The following ZFYVE1 variants were observed in gnomAD, a reference collection of about 807,000 sequenced individuals.
ZFYVE1 encodes zinc finger FYVE domain-containing protein 1.
In ZFYVE1, 30 loss-of-function variants were observed where a neutral mutation model predicts 74.4. The ratio of observed to expected loss-of-function variants is 0.40; its 90% CI spans 0.30 to 0.55. The LOEUF (loss-of-function observed/expected upper bound fraction) is 0.55. Among genes scored for constraint, ZFYVE1 ranks in the 20% least tolerant of loss-of-function variants. The pLI is 0.42. For synonymous variants in ZFYVE1, 335 were observed against 385.1 expected (o/e 0.87, Z 1.52); for missense variants, 703 against 1,011.6 (o/e 0.69, Z 4.14).
chr14:73,013,491 C>T (rs551346316), intron 2 of ZFYVE1, among the ~76,000 whole-genome samples: 1 of 151,982 alleles, frequency 6.6e-6, no homozygotes, highest in South Asian at 2.1e-4. Flanking sequence ...GCCTGTAATC[C>T]CAGCTACTTC....
chr14:72,999,916 CAG>C (rs1320332254), intron 2 of ZFYVE1, among the ~76,000 whole-genome samples: 2 of 151,862 alleles, frequency 1.3e-5, no homozygotes, highest in Admixed American at 6.6e-5. Flanking sequence ...CAAAAATTAG[CAG>C]AGTGTGGTGG....
intron 2 of ZFYVE1, among the ~76,000 whole-genome samples, chr14:73,005,999 G>A (rs537067226): frequency 6.6e-6 from 1 of 151,742 alleles, no homozygotes; most frequent in Admixed American, 6.6e-5. Flanking sequence ...TCAGCTCACT[G>A]CAAGTTCCGC....
intron 2 of ZFYVE1, among the ~76,000 whole-genome samples, chr14:73,017,415 A>G (rs1894223664): frequency 6.6e-6 from 1 of 152,200 alleles, no homozygotes; most frequent in Non-Finnish European, 1.5e-5. Flanking sequence ...GTCTCCAATC[A>G]TTGCCAATGT....
intron 2 of ZFYVE1, among the ~76,000 whole-genome samples, chr14:73,014,658 A>G (rs940450188): frequency 4.6e-5 from 7 of 152,176 alleles, no homozygotes; most frequent in African/African-American, 1.4e-4. Context: ...ACATTATAAT[A>G]CTCTGGCCAT....
chr14:73,009,192 CT>C (rs1894039105), intron 2 of ZFYVE1, among the ~76,000 whole-genome samples: 1 of 152,228 alleles, frequency 6.6e-6, no homozygotes, highest in Non-Finnish European at 1.5e-5. Flanking sequence ...TTCAACCAAC[CT>C]CACTCTATCA....
chr14:73,013,009 G>A (rs1157256482), intron 2 of ZFYVE1, among the ~76,000 whole-genome samples: 1 of 152,066 alleles, frequency 6.6e-6, no homozygotes, highest in African/African-American at 2.4e-5. Context: ...TTGAACCTGA[G>A]GGTCTGTAAC....
intron 2 of ZFYVE1, among the ~76,000 whole-genome samples, chr14:73,011,559 G>A (rs1346980989): frequency 6.6e-6 from 1 of 150,808 alleles, no homozygotes; most frequent in African/African-American, 2.4e-5. Flanking sequence ...TTGCTCTGTC[G>A]CCCAGGCTGC....
chr14:73,015,946 A>AT (rs951428640), intron 2 of ZFYVE1, among the ~76,000 whole-genome samples: 23 of 151,850 alleles, frequency 1.5e-4, no homozygotes, highest in African/African-American at 5.6e-4. Context: ...AAATAAATAA[A>AT]AAATAAAAAC....
chr14:73,002,045 G>A (rs761196939), intron 2 of ZFYVE1, among the ~76,000 whole-genome samples: 8 of 152,136 alleles, frequency 5.3e-5, no homozygotes, highest in East Asian at 1.9e-4. Context: ...TGAAATGAAC[G>A]TAGCTGGCTA....
intron 4 of ZFYVE1, among the ~76,000 whole-genome samples, chr14:72,992,619 C>CCA (rs1893642358): frequency 5.4e-5 from 6 of 110,188 alleles, no homozygotes; most frequent in Non-Finnish European, 1.2e-4. Flanking sequence ...TCAGGTGCCC[C>CCA]CCCCGCCCCT....
intron 2 of ZFYVE1, among the ~76,000 whole-genome samples, chr14:73,021,781 C>G (rs1268185120): frequency 6.6e-6 from 1 of 151,156 alleles, no homozygotes; most frequent in African/African-American, 2.4e-5. Context: ...ATATTACATT[C>G]AAGAAAAAAA....
chr14:72,991,652 G>A lies in ZFYVE1; in HGVS notation c.1203+1491C>T, dbSNP rs150804877. The stretch of plus-strand genomic sequence containing the variant: ...TTCAGAATGTTTGCATTAGGTAAGC[G>A]TCATCTTCCGTTTTCACTGCCTTTG... On this transcript the variant is annotated intron_variant, in intron 4 of 11. Coordinates refer to ENST00000556143, the MANE Select transcript of ZFYVE1 (RefSeq NM_021260.4). 2.8e-3 allele frequency among the ~76,000 whole-genome samples: 427 copies of A among 152,158 alleles called. 3 individuals are homozygous for A. The highest frequency in any genetic ancestry group is 9.4e-3 in the African/African-American group (390 of 41,472).
At chr14:72,982,232 G>A (rs995127749) in intron 4 of ZFYVE1, among the ~76,000 whole-genome samples, 15 of 152,244 alleles carry the variant, frequency 9.9e-5, no homozygotes, top group Non-Finnish European at 1.3e-4. Context: ...CTGGAACCAA[G>A]AAACCAAGAC....
At chr14:72,997,775 A>G (rs764626733) in intron 3 of ZFYVE1, 36 bp downstream of exon 3, 40 of 1,541,638 alleles carry the variant, frequency 2.6e-5, no homozygotes, top group Middle Eastern at 3.5e-4. Flanking sequence ...TTGTACCCAT[A>G]AAGGTTGAGC....
rs904732267 is a variant in ZFYVE1 at position 72,970,707 on chromosome 14, T to C, written c.*175A>G. 3 of 675,112 alleles carry C rather than the reference T, an allele frequency of 4.4e-6. No homozygotes were observed. The highest frequency in any genetic ancestry group is 1.8e-5 in the African/African-American group (1 of 55,032). The allele number at this position is 675,112 out of a possible 1,614,324, so 41.8% of individuals were successfully genotyped here. A position where few individuals can be genotyped will look rare whatever the true frequency, so the allele number is the denominator to read the frequency against. ...TTGCAAGGTCCCCTGCCCTGAGGGG[T>C]CCACACCTTCGGGCCTGCCGCCAGG... is the stretch of plus-strand genomic sequence containing the variant. On this transcript the variant is annotated 3_prime_UTR_variant, in exon 12 of 12. Coordinates refer to ENST00000556143, the MANE Select transcript of ZFYVE1 (RefSeq NM_021260.4).
chr14:72,972,490 CA>C (rs1275493768), intron 11 of ZFYVE1, among the ~76,000 whole-genome samples: 1 of 152,220 alleles, frequency 6.6e-6, no homozygotes, highest in Non-Finnish European at 1.5e-5. Flanking sequence ...ATTCCTACAT[CA>C]TCTACTCACT....
chr14:73,011,273 C>A (rs1230960438), intron 2 of ZFYVE1, among the ~76,000 whole-genome samples: 1 of 151,682 alleles, frequency 6.6e-6, no homozygotes, highest in Non-Finnish European at 1.5e-5. Context: ...TCACTCGAGG[C>A]CAGGAGGTTC....
chr14:72,997,082 G>A (rs750069953), intron 3 of ZFYVE1, among the ~76,000 whole-genome samples: 3 of 152,058 alleles, frequency 2.0e-5, no homozygotes, highest in Non-Finnish European at 4.4e-5. Flanking sequence ...TGTCCATATT[G>A]TCTACTTTCT....
At chr14:73,023,330 TTATATATGTTTTATATATAATATATATTA>T (rs1567366897) in intron 2 of ZFYVE1, among the ~76,000 whole-genome samples, 10 of 53,964 alleles carry the variant, frequency 1.9e-4, no homozygotes, top group African/African-American at 3.0e-4. Context: ...ATAATATATA[TTATATATGTTTTATATATAATATATATTA>T]TATATGTTTT....
Sources: gnomAD v4.1 joint callset for allele counts (sites outside exome capture counted in the v4.1 genomes callset) on GRCh38, gnomAD v4.1.1 for gene constraint, MANE v1.5 for transcripts, NCBI Gene and HGNC (gene_info 2026-07-23, HGNC 2026-07-21) for gene names.